The following CSMD1 variants were observed in gnomAD, a reference collection of about 807,000 sequenced individuals.
The protein encoded by CSMD1 is CUB and Sushi multiple domains 1, also known as CUB and sushi domain-containing protein 1.
A neutral mutation model predicts 417.5 loss-of-function variants in CSMD1; 213 were observed. The ratio of observed to expected loss-of-function variants is 0.51; its 90% confidence interval spans 0.46 to 0.57. The LOEUF (loss-of-function observed/expected upper bound fraction) is 0.57, where lower values mean the gene tolerates loss of function less well. Ranked by LOEUF, CSMD1 falls within the 20% of genes least tolerant of loss-of-function variation. The pLI is 0.00. For synonymous variants in CSMD1, 2,862 were observed against 1,736.8 expected (o/e 1.65, Z -16.11); for missense variants, 6,923 against 4,529.7 (o/e 1.53, Z -15.17).
intron 1 of CSMD1, among the ~76,000 whole-genome samples, chr8:4,780,756 T>C (rs1797115190): frequency 6.6e-6 from 1 of 152,242 alleles, no homozygotes; most frequent in Non-Finnish European, 1.5e-5. Flanking sequence ...AAATCCATTG[T>C]ATCATTTTTA....
chr8:3,407,973 C>A lies in CSMD1; in HGVS notation c.1997G>T (p.Ser666Ile). 2 of 1,613,856 alleles carry A rather than the reference C, an allele frequency of 1.2e-6. No individual in the cohort carries two copies. The highest frequency in any genetic ancestry group is 1.6e-4 in the Middle Eastern group (1 of 6,062). The stretch of plus-strand genomic sequence containing the variant: ...AAATTCCAAGCGAACTATATGCCCA[C>A]TGCTGGCCAGCTGGGAAGGCACTTC... Reference protein sequence around the residue: ...GNEVPSQLASSGHIVRLEFQS... With the variant: ...GNEVPSQLASIGHIVRLEFQS... The change falls in exon 14 of 70, where the codon AGT (serine) becomes ATT (isoleucine). Residue 666 changes from serine (S) to isoleucine (I), a missense_variant. By Grantham distance (142) the Ser-to-Ile change is moderately radical. Transcript: ENST00000635120.
At chr8:4,090,672 C>T (rs942328872) in intron 3 of CSMD1, among the ~76,000 whole-genome samples, 2 of 152,174 alleles carry the variant, frequency 1.3e-5, no homozygotes, top group Non-Finnish European at 2.9e-5. Context: ...GAAAGCACAT[C>T]AATTTCCTAA....
At chr8:4,707,508 G>C (rs893710561) in intron 1 of CSMD1, among the ~76,000 whole-genome samples, 4 of 152,164 alleles carry the variant, frequency 2.6e-5, no homozygotes, top group Non-Finnish European at 2.9e-5. Context: ...ATCAGCGTAG[G>C]AGTCCGTGAA....
intron 5 of CSMD1, among the ~76,000 whole-genome samples, chr8:3,936,150 T>G (rs1270512478): frequency 1.3e-5 from 2 of 150,782 alleles, no homozygotes; most frequent in South Asian, 2.1e-4. Context: ...GAAGATAAAT[T>G]TGAAGATACC....
intron 1 of CSMD1, among the ~76,000 whole-genome samples, chr8:4,818,751 G>T (rs1002037186): frequency 6.6e-6 from 1 of 152,144 alleles, no homozygotes; most frequent in South Asian, 2.1e-4. Flanking sequence ...CTCATAGTCT[G>T]ATTATAATAG....
At chr8:4,944,987 G>C (rs979445712) in intron 1 of CSMD1, among the ~76,000 whole-genome samples, 9 of 152,184 alleles carry the variant, frequency 5.9e-5, no homozygotes, top group African/African-American at 2.2e-4. Context: ...AAACAGACGA[G>C]AGGTGGAACC....
intron 1 of CSMD1, among the ~76,000 whole-genome samples, chr8:4,868,924 T>C (rs1339477556): frequency 6.6e-6 from 1 of 152,094 alleles, no homozygotes; most frequent in Non-Finnish European, 1.5e-5. Flanking sequence ...ATCACTCATA[T>C]GTGTGTAGTT....
At chr8:4,614,478 T>C (rs146772090) in intron 2 of CSMD1, among the ~76,000 whole-genome samples, 213 of 152,268 alleles carry the variant, frequency 1.4e-3, no homozygotes, top group African/African-American at 5.0e-3. Flanking sequence ...TTATGTCACC[T>C]CTAAACTGAT....
At chr8:3,522,079 G>A (rs1390316737) in intron 10 of CSMD1, among the ~76,000 whole-genome samples, 2 of 152,158 alleles carry the variant, frequency 1.3e-5, no homozygotes, top group African/African-American at 2.4e-5. Flanking sequence ...TATTTGGGAT[G>A]TTTATCTAAA....
At chr8:4,862,392 A>C (rs1340115225) in intron 1 of CSMD1, among the ~76,000 whole-genome samples, 1 of 152,124 alleles carries the variant, frequency 6.6e-6, no homozygotes, top group Non-Finnish European at 1.5e-5. Flanking sequence ...AGTTCTTTCA[A>C]AGAATCACTG....
chr8:4,236,900 C>G (rs1296679323), intron 3 of CSMD1, among the ~76,000 whole-genome samples: 1 of 152,188 alleles, frequency 6.6e-6, no homozygotes, highest in African/African-American at 2.4e-5. Context: ...AATTCAATTT[C>G]CAGGCCTCTC....
At chr8:4,744,903 C>G (rs997992241) in intron 1 of CSMD1, among the ~76,000 whole-genome samples, 4 of 152,082 alleles carry the variant, frequency 2.6e-5, no homozygotes, top group African/African-American at 9.7e-5. Flanking sequence ...ATTCTAATGG[C>G]TCAGTATGTA....
At chr8:2,978,878 T>G in intron 54 of CSMD1, 78 bp from the exon 55 acceptor site, 4,475 of 881,116 alleles carry the variant, frequency 5.1e-3, no homozygotes, top group Non-Finnish European at 6.4e-3. Context: ...TGAAGGCGAA[T>G]TCCTCATCAT....
At chr8:3,190,139 G>A (rs1796324418) in intron 33 of CSMD1, 24 bp from the exon 34 acceptor site, 2 of 1,554,454 alleles carry the variant, frequency 1.3e-6, no homozygotes, top group African/African-American at 1.4e-5. Context: ...ACAGAACACA[G>A]CCGTCTGTAT....
At chr8:4,219,397 A>G (rs1039857273) in intron 3 of CSMD1, among the ~76,000 whole-genome samples, 1 of 152,224 alleles carries the variant, frequency 6.6e-6, no homozygotes, top group Non-Finnish European at 1.5e-5. Flanking sequence ...AATATTTATA[A>G]AATTAATTAC....
chr8:3,171,307 G>C (rs945886295), intron 37 of CSMD1, among the ~76,000 whole-genome samples: 2 of 152,136 alleles, frequency 1.3e-5, no homozygotes, highest in African/African-American at 4.8e-5. Flanking sequence ...TAGACAACCT[G>C]GTGACAGAAA....
intron 1 of CSMD1, among the ~76,000 whole-genome samples, chr8:4,959,046 A>G (rs1042634235): frequency 4.6e-5 from 7 of 152,198 alleles, no homozygotes; most frequent in South Asian, 2.1e-4. Context: ...GCTATATAGT[A>G]TATGTCATCA....
chr8:4,893,622 C>T (rs985665548), intron 1 of CSMD1, among the ~76,000 whole-genome samples: 1 of 152,100 alleles, frequency 6.6e-6, no homozygotes, highest in African/African-American at 2.4e-5. Flanking sequence ...ATAAGATATG[C>T]TAATTTGCCA....
intron 1 of CSMD1, among the ~76,000 whole-genome samples, chr8:4,732,344 C>CGCGCGTGTGT (rs1554461217): frequency 1.4e-5 from 2 of 141,052 alleles, no homozygotes; most frequent in East Asian, 4.2e-4. Context: ...ATTTCTTCTG[C>CGCGCGTGTGT]GTGTGTGTGT....
Sources: gnomAD v4.1 joint callset for allele counts (sites outside exome capture counted in the v4.1 genomes callset) on GRCh38, gnomAD v4.1.1 for gene constraint, MANE v1.5 for transcripts, NCBI Gene and HGNC (gene_info 2026-07-23, HGNC 2026-07-21) for gene names.